ZNF100: variants seen among roughly 807,000 people sequenced by gnomAD.
ZNF100 encodes zinc finger protein 100, also known as zinc finger protein 100 (Y1).
A neutral mutation model predicts 15.8 loss-of-function variants in ZNF100; 12 were observed. That is an observed-to-expected ratio of 0.76 (90% CI 0.49 to 1.23). The LOEUF (loss-of-function observed/expected upper bound fraction) is 1.23. Among genes scored for constraint, ZNF100 ranks in the 50% most tolerant of loss-of-function variants. ZNF100 has a pLI of 0.00. For missense variants in ZNF100, 670 were observed against 635.6 expected (o/e 1.05, Z -0.58); for synonymous variants, 226 against 214.8 (o/e 1.05, Z -0.45).
rs766952300 is a variant in ZNF100 at position 21,727,639 on chromosome 19, T to C, written c.673A>G (p.Arg225Gly). 17 of 1,611,682 alleles carry C rather than the reference T, an allele frequency of 1.1e-5. No homozygotes were observed. The highest frequency in any genetic ancestry group is 1.4e-5 in the Non-Finnish European group (17 of 1,179,282). Residue 225 changes from arginine to glycine, a missense_variant, in exon 5 of 5, where the codon AGA (arginine) becomes GGA (glycine). Arg to Gly is a moderately radical substitution (Grantham distance 125, BLOSUM62 -2). Coordinates refer to ENST00000358296, the MANE Select transcript of ZNF100 (RefSeq NM_173531.4). ...CMLLHLTQHK[R>G]FHITENSYQC... ...TAGGAATTCTCTGTAATATGAAATC[T>C]TTTATGTTGAGTTAGGTGTAAAAGC... is the stretch of plus-strand genomic sequence containing the variant.
intron 2 of ZNF100, among the ~76,000 whole-genome samples, chr19:21,760,751 CTTGT>C (rs1205536975): frequency 3.1e-5 from 3 of 97,038 alleles, no homozygotes; most frequent in African/African-American, 1.3e-4. Flanking sequence ...GAAGAACTTT[CTTGT>C]TTTTTTTTTT....
In ZNF100 at chr19:21,727,992, G is replaced by T; in HGVS notation, c.323-3C>A. 6.7e-7 allele frequency: 1 copy of T among 1,502,564 alleles called. No individual in the cohort carries two copies. The allele number at this position is 1,502,564 out of a possible 1,614,324, so 93.1% of individuals were successfully genotyped here. ...TTGGGGAAAATGAGAACATATAACT[G>T]AAAGAAATAAAAATAACAAATTACT... On this transcript the variant is annotated splice_region_variant and splice_polypyrimidine_tract_variant and intron_variant, in intron 4 of 4. Coordinates refer to ENST00000358296, the MANE Select transcript of ZNF100 (RefSeq NM_173531.4).
chr19:21,748,696 A>C (rs76762824), intron 2 of ZNF100, among the ~76,000 whole-genome samples: 14,218 of 152,144 alleles, frequency 0.093, 895 homozygotes, highest in South Asian at 0.18. Flanking sequence ...GAAGTGGGCA[A>C]AGTTTTTTTG....
chr19:21,746,151 G>A (rs573306800), intron 2 of ZNF100, among the ~76,000 whole-genome samples: 20 of 152,282 alleles, frequency 1.3e-4, no homozygotes, highest in African/African-American at 3.6e-4. Context: ...ATAGTAGGAC[G>A]AATTTTTATG....
rs1180863123 is a variant in ZNF100, at chr19:21,727,413, C to T, written c.899G>A (p.Arg300Gln). Residue 300 changes from arginine (R) to glutamine (Q), a missense_variant, in exon 5 of 5, where the codon CGG (arginine) becomes CAG (glutamine). Coordinates refer to ENST00000358296, the MANE Select transcript of ZNF100 (RefSeq NM_173531.4). ...RCEECGKAFN[R>Q]SSHLTTHKRI... ...TTTATGTGTAGTAAGGTGTGAAGAC[C>T]GGTTAAAAGCTTTCCCACATTCTTC... The T allele has an allele frequency of 5.6e-6, 9 of 1,611,456 alleles. No individual in the cohort carries two copies. Among genetic ancestry groups the T allele is most frequent in the Non-Finnish European group, 7.6e-6 (9 of 1,179,346 alleles).
chr19:21,749,356 G>A (rs757739239), intron 2 of ZNF100, among the ~76,000 whole-genome samples: 2 of 151,082 alleles, frequency 1.3e-5, no homozygotes, highest in Non-Finnish European at 2.9e-5. Context: ...TTAACCACTC[G>A]TCAGCCTGAA....
At chr19:21,731,060 G>C (rs1410339573) in intron 4 of ZNF100, among the ~76,000 whole-genome samples, 6 of 150,202 alleles carry the variant, frequency 4.0e-5, no homozygotes, top group Non-Finnish European at 7.4e-5. Flanking sequence ...AAGTACCCAA[G>C]AGTCTTCAAA....
rs1470563357 is a variant in ZNF100 at position 21,731,528 on chromosome 19, C to T, written c.323-3539G>A. Among the ~76,000 whole-genome samples, 17 of 151,926 alleles carry T rather than the reference C, an allele frequency of 1.1e-4. No homozygotes were observed. The South Asian group carries it at 2.9e-3, about 26-fold the overall frequency. ...TTCACCATGTTGGCCAGGATGGTCT[C>T]GATCTCTTGACCTTGATATCCGCCT... On this transcript the variant is annotated intron_variant, in intron 4 of 4. Coordinates refer to ENST00000358296, the MANE Select transcript of ZNF100 (RefSeq NM_173531.4).
At chr19:21,737,960 A>G (rs1490690540) in intron 4 of ZNF100, among the ~76,000 whole-genome samples, 1 of 152,152 alleles carries the variant, frequency 6.6e-6, no homozygotes, top group Non-Finnish European at 1.5e-5. Flanking sequence ...CCTGATAAAT[A>G]TCGATGCAGG....
chr19:21,740,419 T>C (rs2036087307), intron 4 of ZNF100, among the ~76,000 whole-genome samples: 1 of 152,032 alleles, frequency 6.6e-6, no homozygotes, highest in Non-Finnish European at 1.5e-5. Context: ...CAACATTAAA[T>C]GCATGAGCAA....
chr19:21,744,395 C>T (rs1275924445), intron 3 of ZNF100, among the ~76,000 whole-genome samples: 5 of 152,052 alleles, frequency 3.3e-5, no homozygotes, highest in East Asian at 1.9e-4. Context: ...ATTTTTGAGA[C>T]GGAGTCTCGC....
chr19:21,758,865 C>T (rs891214120), intron 2 of ZNF100, among the ~76,000 whole-genome samples: 6 of 152,128 alleles, frequency 3.9e-5, no homozygotes, highest in Non-Finnish European at 5.9e-5. Flanking sequence ...TGGAATCACA[C>T]GACAATGAAA....
At chr19:21,728,082 G>A in intron 4 of ZNF100, 93 bp from the exon 5 acceptor site, 1 of 1,197,072 alleles carries the variant, frequency 8.4e-7, no homozygotes, top group South Asian at 2.8e-5. Context: ...TAAATAAGAT[G>A]GCATAGGAAA....
intron 4 of ZNF100, among the ~76,000 whole-genome samples, chr19:21,730,052 C>G (rs1479050749): frequency 5.9e-5 from 9 of 151,632 alleles, no homozygotes; most frequent in African/African-American, 2.2e-4. Flanking sequence ...AAATGAGTGA[C>G]CAAGATATAA....
chr19:21,750,880 C>T, intron 2 of ZNF100: 1 of 568,864 alleles, frequency 1.8e-6, no homozygotes, highest in Non-Finnish European at 3.1e-6. Flanking sequence ...CGTGTCCCCC[C>T]AGTACCAGCC....
In ZNF100 at chr19:21,727,972, G is replaced by C. The variant is rs201183512; in HGVS notation, c.340C>G (p.Pro114Ala). The C allele has an allele frequency of 1.4e-5, 21 of 1,525,844 alleles. No homozygotes were observed. In the East Asian group the frequency reaches 2.0e-4, roughly 15 times the overall value. The allele number at this position is 1,525,844 out of a possible 1,614,324, so 94.5% of individuals were successfully genotyped here. The change falls in exon 5 of 5, where the codon CCC becomes GCC. Residue 114 changes from proline (P) to alanine (A), a missense_variant. By Grantham distance (27) the Pro-to-Ala change is conservative. Transcript: ENST00000358296. ...TCCTGCTCTGCCCAAAGGTCTTGGG[G>C]AAAATGAGAACATATAACTGAAAGA... ...AKPPVICSHF[P>A]QDLWAEQDIK... is the part of the protein sequence containing the mutation.
At chr19:21,728,587 C>T (rs12973310) in intron 4 of ZNF100, among the ~76,000 whole-genome samples, 13,973 of 151,952 alleles carry the variant, frequency 0.092, 861 homozygotes, top group South Asian at 0.18. Flanking sequence ...AAGACAAAAT[C>T]TCAGACAAGA....
chr19:21,730,968 ATGT>A (rs1490409698), intron 4 of ZNF100, among the ~76,000 whole-genome samples: 2 of 152,196 alleles, frequency 1.3e-5, no homozygotes, highest in Non-Finnish European at 2.9e-5. Flanking sequence ...ATTTAGTGCA[ATGT>A]TGTTAAAAAT....
rs1046170485 is a variant in ZNF100 at position 21,723,940 on chromosome 19, G to GT, written c.*2742dup. The GT allele has an allele frequency of 2.0e-4, 31 of 152,268 alleles. No homozygotes were observed. The highest frequency in any genetic ancestry group is 7.2e-4 in the African/African-American group (30 of 41,544). The allele number at this position is 152,268 out of a possible 1,614,324, so 9.4% of individuals were successfully genotyped here. ...ATGAAGTGTTCTAACTAAATAAAATGTAACTTAATACACTAATTGTGGAAT... is the reference window on the plus strand; with the variant it reads ...ATGAAGTGTTCTAACTAAATAAAATGTTAACTTAATACACTAATTGTGGAAT... On this transcript the variant is annotated 3_prime_UTR_variant, in exon 5 of 5. Coordinates refer to ENST00000358296, the MANE Select transcript of ZNF100 (RefSeq NM_173531.4).
Sources: gnomAD v4.1 joint callset for allele counts (sites outside exome capture counted in the v4.1 genomes callset) on GRCh38, gnomAD v4.1.1 for gene constraint, MANE v1.5 for transcripts, NCBI Gene and HGNC (gene_info 2026-07-23, HGNC 2026-07-21) for gene names.